The following SLC7A14 variants were observed in gnomAD, a reference collection of about 807,000 sequenced individuals.
SLC7A14 encodes the protein solute carrier family 7 member 14.
In SLC7A14, 37 loss-of-function variants were observed where a neutral mutation model predicts 60.2. The ratio of observed to expected loss-of-function variants is 0.61; its 90% CI spans 0.47 to 0.81. SLC7A14 has a LOEUF of 0.81. Among genes scored for constraint, SLC7A14 ranks in the 30% least tolerant of loss-of-function variants. SLC7A14 has a pLI of 0.00. For missense variants in SLC7A14, 886 were observed against 982.7 expected (o/e 0.90, Z 1.32); for synonymous variants, 399 against 395.8 (o/e 1.01, Z -0.10).
rs147388228 is a variant in SLC7A14 at position 170,509,428 on chromosome 3, T to C, written c.305-8083A>G. 2.5e-3 allele frequency among the ~76,000 whole-genome samples: 387 copies of C among 152,152 alleles called. 2 individuals carry two copies. The highest frequency in any genetic ancestry group is 8.9e-3 in the African/African-American group (371 of 41,510). Reference sequence around the variant, plus strand: ...AACCACTGCCCCAAATATATCAACATATAAACAGGTAGGAAATAAGTTGTC... The same window carrying C: ...AACCACTGCCCCAAATATATCAACACATAAACAGGTAGGAAATAAGTTGTC... On this transcript the variant is annotated intron_variant, in intron 2 of 7. Coordinates refer to ENST00000231706, the MANE Select transcript of SLC7A14 (RefSeq NM_020949.3).
Position 170,573,082 on chromosome 3 carries a change from A to T in SLC7A14, c.-153+12829T>A, listed in dbSNP as rs116713240. Among the ~76,000 whole-genome samples, 458 of 152,344 alleles carry T rather than the reference A, an allele frequency of 3.0e-3. 2 individuals carry two copies. Among genetic ancestry groups the T allele is most frequent in the African/African-American group, 0.011 (440 of 41,578 alleles). On this transcript the variant is annotated intron_variant, in intron 1 of 7. Transcript: ENST00000231706. Reference sequence around the variant, plus strand: ...TGTAGTGAGAGTGACTAACAGATTCAGTTTCAAATGTCAGGGTCCACACAT... The same window carrying T: ...TGTAGTGAGAGTGACTAACAGATTCTGTTTCAAATGTCAGGGTCCACACAT...
At chr3:170,491,915 G>A (rs1712232554) in intron 4 of SLC7A14, among the ~76,000 whole-genome samples, 1 of 152,106 alleles carries the variant, frequency 6.6e-6, no homozygotes, top group Admixed American at 6.5e-5. Context: ...AACCAAACTT[G>A]GCCTAACAAG....
intron 2 of SLC7A14, among the ~76,000 whole-genome samples, chr3:170,513,337 CATT>C (rs1464480601): frequency 5.3e-5 from 8 of 152,232 alleles, no homozygotes; most frequent in Admixed American, 3.3e-4. Flanking sequence ...AAGAGAAACT[CATT>C]ATATTGGTTA....
rs1739743627 is a variant in SLC7A14 at position 170,467,264 on chromosome 3, A to G, written c.2107T>C (p.Ser703Pro). ...YQRYDVDDPF[S>P]VEEGFSYATE... ...GCGTAGGAGAAACCCTCCTCCACTGAGAAGGGGTCATCCACGTCGTAGCGT... is the reference window on the plus strand; with the variant it reads ...GCGTAGGAGAAACCCTCCTCCACTGGGAAGGGGTCATCCACGTCGTAGCGT... Residue 703 changes from serine (S) to proline (P), a missense_variant, in exon 8 of 8, where the codon TCA becomes CCA. Transcript: ENST00000231706. 1.2e-6 allele frequency: 2 copies of G among 1,614,108 alleles called. No homozygotes were observed. The highest frequency in any genetic ancestry group is 1.7e-5 in the Admixed American group (1 of 60,014).
chr3:170,515,333 T>C (rs917221444), intron 2 of SLC7A14, among the ~76,000 whole-genome samples: 1 of 149,096 alleles, frequency 6.7e-6, no homozygotes, highest in Non-Finnish European at 1.5e-5. Flanking sequence ...AAAAAAAATA[T>C]ATATATATGT....
At chr3:170,486,089 G>T in intron 5 of SLC7A14, 133 bp downstream of exon 5, 1 of 1,159,790 alleles carries the variant, frequency 8.6e-7, no homozygotes, top group Non-Finnish European at 1.2e-6. Flanking sequence ...GTCATGGGGA[G>T]TGGGGAATGG....
At chr3:170,548,223 A>G (rs994984380) in intron 1 of SLC7A14, among the ~76,000 whole-genome samples, 1 of 152,222 alleles carries the variant, frequency 6.6e-6, no homozygotes, top group African/African-American at 2.4e-5. Context: ...GGAGCTAAGG[A>G]TACCAGAACA....
chr3:170,486,814 G>A (rs540732189), intron 4 of SLC7A14, among the ~76,000 whole-genome samples: 1 of 150,058 alleles, frequency 6.7e-6, no homozygotes, highest in African/African-American at 2.5e-5. Flanking sequence ...AGAGGTTGCA[G>A]TGAGCTGAGA....
intron 1 of SLC7A14, among the ~76,000 whole-genome samples, chr3:170,556,899 C>A (rs1303510827): frequency 6.6e-6 from 1 of 152,146 alleles, no homozygotes; most frequent in Non-Finnish European, 1.5e-5. Context: ...TATGGCCTAC[C>A]AGGCTATCTC....
At chr3:170,567,783 G>GT (rs1489289048) in intron 1 of SLC7A14, among the ~76,000 whole-genome samples, 1 of 151,072 alleles carries the variant, frequency 6.6e-6, no homozygotes, top group African/African-American at 2.4e-5. Context: ...TTTTTCATGT[G>GT]TTTTTTGGCT....
At chr3:170,497,087 C>CAAAAAA (rs548290941) in intron 4 of SLC7A14, among the ~76,000 whole-genome samples, 23 of 94,236 alleles carry the variant, frequency 2.4e-4, no homozygotes, top group South Asian at 1.6e-3. Flanking sequence ...TTATTTTGTC[C>CAAAAAA]AAAAAAAAAA....
chr3:170,554,325 G>C (rs1714431057), intron 1 of SLC7A14, among the ~76,000 whole-genome samples: 1 of 152,222 alleles, frequency 6.6e-6, no homozygotes, highest in Admixed American at 6.5e-5. Flanking sequence ...CCATGAGTCA[G>C]ATGGCAGCTC....
chr3:170,498,358 G>T (rs1272295768), intron 4 of SLC7A14, among the ~76,000 whole-genome samples: 2 of 152,206 alleles, frequency 1.3e-5, no homozygotes, highest in South Asian at 2.1e-4. Context: ...TTATCAGGAT[G>T]ATTAAATGAG....
chr3:170,489,517 G>A (rs1192125310), intron 4 of SLC7A14, among the ~76,000 whole-genome samples: 1 of 152,252 alleles, frequency 6.6e-6, no homozygotes, highest in East Asian at 1.9e-4. Context: ...AGGCACTATG[G>A]AGAAGAGTTT....
At chr3:170,558,635 T>A (rs1321705109) in intron 1 of SLC7A14, among the ~76,000 whole-genome samples, 4 of 152,206 alleles carry the variant, frequency 2.6e-5, no homozygotes, top group African/African-American at 9.6e-5. Flanking sequence ...CAGATTACCA[T>A]GGTAGATGTG....
rs376288023 is a variant in SLC7A14, at chr3:170,501,085, G to A, written c.541+24C>T. On this transcript the variant is annotated intron_variant, in intron 3 of 7. Transcript: ENST00000231706. ...TGGCTTGGTAAGTTTGCATGTTGAG[G>A]GTAGGAGGATGTGGCAGTCTCACCC... 6.5e-5 allele frequency: 104 copies of A among 1,609,422 alleles called. No individual in the cohort carries two copies. The African/African-American group carries it at 1.4e-3, about 21-fold the overall frequency.
At chr3:170,550,148 T>C (rs73879210) in intron 1 of SLC7A14, among the ~76,000 whole-genome samples, 3,552 of 152,332 alleles carry the variant, frequency 0.023, 130 homozygotes, top group African/African-American at 0.079. Flanking sequence ...GCATTATAAA[T>C]GTGATGGGGC....
Position 170,467,295 on chromosome 3 carries a change from C to T in SLC7A14, c.2076G>A (p.Thr692=), listed in dbSNP as rs200086652. The change falls in exon 8 of 8, where the codon ACG becomes ACA. Residue 692 remains threonine (T), a synonymous_variant. Coordinates refer to ENST00000231706, the MANE Select transcript of SLC7A14 (RefSeq NM_020949.3). ...GGTCATCCACGTCGTAGCGTTGGTACGTGCTTTGGTGCAGGGCCTCTTCTC... is the reference window on the plus strand; with the variant it reads ...GGTCATCCACGTCGTAGCGTTGGTATGTGCTTTGGTGCAGGGCCTCTTCTC... ...SAREEALHQS[T]YQRYDVDDPF... 2.3e-5 allele frequency: 37 copies of T among 1,614,172 alleles called. No individual in the cohort carries two copies. The highest frequency in any genetic ancestry group is 1.9e-4 in the South Asian group (17 of 91,082).
intron 2 of SLC7A14, among the ~76,000 whole-genome samples, chr3:170,524,586 C>T (rs1462138805): frequency 2.0e-5 from 3 of 152,180 alleles, no homozygotes; most frequent in Non-Finnish European, 4.4e-5. Flanking sequence ...CTGTGGAACC[C>T]TTTGGGTATA....
Sources: allele counts gnomAD v4.1 joint callset (sites outside exome capture counted in the v4.1 genomes callset), GRCh38; gene constraint gnomAD v4.1.1; transcripts MANE v1.5; gene names NCBI Gene and HGNC (gene_info 2026-07-23, HGNC 2026-07-21).